LUZP2: variants seen among roughly 807,000 people sequenced by gnomAD.
The protein encoded by LUZP2 is leucine zipper protein 2.
In LUZP2, 52 loss-of-function variants were observed where a neutral mutation model predicts 51.6. The observed-to-expected ratio is 1.01, with a 90% CI of 0.81 to 1.27. LUZP2 has a LOEUF of 1.27. Among genes scored for constraint, LUZP2 ranks in the 50% most tolerant of loss-of-function variants. The probability of loss-of-function intolerance (pLI) is 0.00; values close to 1 mark genes in which losing one functional copy is unlikely to be tolerated. For synonymous variants in LUZP2, 154 were observed against 137.3 expected (o/e 1.12, Z -0.85); for missense variants, 436 against 395.4 (o/e 1.10, Z -0.87).
At chr11:24,878,271 T>G (rs558538982) in intron 5 of LUZP2, among the ~76,000 whole-genome samples, 10 of 152,178 alleles carry the variant, frequency 6.6e-5, no homozygotes, top group African/African-American at 2.4e-4. Context: ...TCTGGGAAAG[T>G]CTTTATTTCC....
At chr11:24,862,276 G>T (rs1053134201) in intron 5 of LUZP2, among the ~76,000 whole-genome samples, 2 of 152,144 alleles carry the variant, frequency 1.3e-5, no homozygotes, top group Admixed American at 1.3e-4. Context: ...TTTCAACCCA[G>T]AATTTTATAT....
At chr11:24,707,410 A>C (rs945218229) in intron 1 of LUZP2, among the ~76,000 whole-genome samples, 5 of 152,070 alleles carry the variant, frequency 3.3e-5, no homozygotes, top group African/African-American at 9.7e-5. Context: ...AAACACAGAA[A>C]AGCTTAACAG....
chr11:24,717,510 C>A (rs961936228), intron 1 of LUZP2, among the ~76,000 whole-genome samples: 8 of 151,442 alleles, frequency 5.3e-5, no homozygotes, highest in African/African-American at 1.9e-4. Flanking sequence ...CGAGTTCACG[C>A]CATTCTCCTG....
At chr11:25,005,951 A>G (rs191563897) in intron 9 of LUZP2, among the ~76,000 whole-genome samples, 8 of 152,214 alleles carry the variant, frequency 5.3e-5, no homozygotes, top group Non-Finnish European at 1.2e-4. Context: ...AATGAAGTGG[A>G]GGGCCAAACC....
intron 7 of LUZP2, among the ~76,000 whole-genome samples, chr11:24,926,345 G>GTGTATATATACGTGTGTA: frequency 2.2e-5 from 1 of 44,960 alleles, no homozygotes; most frequent in African/African-American, 1.1e-4. Context: ...ATATACGTGT[G>GTGTATATATACGTGTGTA]TATATATATA....
intron 1 of LUZP2, among the ~76,000 whole-genome samples, chr11:24,664,753 G>A (rs1856155241): frequency 6.6e-6 from 1 of 152,186 alleles, no homozygotes; most frequent in Non-Finnish European, 1.5e-5. Flanking sequence ...TGTTGGGCCT[G>A]TGGGTGCACA....
rs189651869 is a variant in LUZP2, at chr11:24,932,666, T to A, written c.522+18128T>A. ...CTCTCACCATGCCCCCTCAACATCATCAAATTTATATCCAGGCAGCAGGTA... is the reference window on the plus strand; with the variant it reads ...CTCTCACCATGCCCCCTCAACATCAACAAATTTATATCCAGGCAGCAGGTA... On this transcript the variant is annotated intron_variant, in intron 7 of 11. Transcript: ENST00000336930. Among the ~76,000 whole-genome samples, 7 of 152,150 alleles carry A rather than the reference T, an allele frequency of 4.6e-5. No individual in the cohort carries two copies. In the East Asian group the frequency reaches 1.4e-3, roughly 29 times the overall value.
chr11:24,959,663 G>C (rs1353263161), intron 7 of LUZP2, among the ~76,000 whole-genome samples: 1 of 152,030 alleles, frequency 6.6e-6, no homozygotes, highest in Non-Finnish European at 1.5e-5. Context: ...TGAGACAGTG[G>C]GGTTTTCTAG....
intron 7 of LUZP2, among the ~76,000 whole-genome samples, chr11:24,947,410 A>G: frequency 6.6e-6 from 1 of 151,854 alleles, no homozygotes; most frequent in Non-Finnish European, 1.5e-5. Context: ...AGAGGCAGAC[A>G]CACTGAATAG....
chr11:24,545,607 C>G (rs987587345), intron 1 of LUZP2, among the ~76,000 whole-genome samples: 19 of 127,870 alleles, frequency 1.5e-4, no homozygotes, highest in Middle Eastern at 5.5e-3. Flanking sequence ...GGTGTGCAGT[C>G]TTATTTCTGG....
intron 1 of LUZP2, among the ~76,000 whole-genome samples, chr11:24,622,372 T>C (rs554196008): frequency 2.0e-5 from 3 of 151,674 alleles, no homozygotes; most frequent in Admixed American, 6.6e-5. Flanking sequence ...AGTGGGAACA[T>C]GCGGTGTTTG....
chr11:24,587,302 C>T (rs1339417749), intron 1 of LUZP2, among the ~76,000 whole-genome samples: 1 of 152,038 alleles, frequency 6.6e-6, no homozygotes, highest in Non-Finnish European at 1.5e-5. Context: ...TGGGATTGTA[C>T]AAAGGAGAAT....
intron 9 of LUZP2, among the ~76,000 whole-genome samples, chr11:25,031,904 G>C (rs1380241068): frequency 1.3e-5 from 2 of 151,944 alleles, no homozygotes; most frequent in East Asian, 3.9e-4. Context: ...TAGATTACGT[G>C]ACAAAGAACA....
chr11:24,866,152 A>G (rs1192193495), intron 5 of LUZP2, among the ~76,000 whole-genome samples: 2 of 84,972 alleles, frequency 2.4e-5, no homozygotes, highest in Admixed American at 1.4e-4. Flanking sequence ...ACACACACAC[A>G]CGTATATATT....
In LUZP2 at chr11:24,568,658, A is replaced by G. The variant is rs915435822; in HGVS notation, c.62+71353A>G. On this transcript the variant is annotated intron_variant, in intron 1 of 11. Transcript: ENST00000336930. ...ATTATAATATAATTATTTCACCAGG[A>G]CGAAAAGTATTACTCAAGCATTTAC... is the stretch of plus-strand genomic sequence containing the variant. Among the ~76,000 whole-genome samples, 6 of 151,940 alleles carry G rather than the reference A, an allele frequency of 3.9e-5. No individual in the cohort carries two copies. The East Asian group carries it at 9.7e-4, about 24-fold the overall frequency.
chr11:24,681,457 CT>C (rs1461478891), intron 1 of LUZP2, among the ~76,000 whole-genome samples: 1 of 152,162 alleles, frequency 6.6e-6, no homozygotes, highest in Non-Finnish European at 1.5e-5. Context: ...AATTCTCACC[CT>C]TATGGCTCCT....
chr11:24,775,013 G>A (rs961672481), intron 5 of LUZP2, among the ~76,000 whole-genome samples: 3 of 151,068 alleles, frequency 2.0e-5, no homozygotes. Context: ...TGACATATTT[G>A]CCATATAATA....
chr11:24,601,248 T>A (rs1853625122), intron 1 of LUZP2, among the ~76,000 whole-genome samples: 1 of 152,016 alleles, frequency 6.6e-6, no homozygotes, highest in Non-Finnish European at 1.5e-5. Flanking sequence ...TGGAAATATA[T>A]CCTTCTCAAA....
intron 7 of LUZP2, among the ~76,000 whole-genome samples, chr11:24,953,369 G>A (rs1449438237): frequency 1.3e-5 from 2 of 151,882 alleles, no homozygotes; most frequent in Non-Finnish European, 2.9e-5. Flanking sequence ...ATACCTGTGG[G>A]AAATATTTCC....
Sources: gnomAD v4.1 joint callset for allele counts (sites outside exome capture counted in the v4.1 genomes callset) on GRCh38, gnomAD v4.1.1 for gene constraint, MANE v1.5 for transcripts, NCBI Gene and HGNC (gene_info 2026-07-23, HGNC 2026-07-21) for gene names.